ADTRP: variants seen among roughly 807,000 people sequenced by gnomAD.
The protein encoded by ADTRP is androgen dependent TFPI regulating protein, also known as androgen-dependent TFPI-regulating protein.
In ADTRP, 20 loss-of-function variants were observed where a neutral mutation model predicts 27.0. The ratio of observed to expected loss-of-function variants is 0.74; its 90% confidence interval spans 0.52 to 1.08. ADTRP has a LOEUF of 1.08. ADTRP is among the 50% of genes least tolerant of loss of function. The pLI is 0.00. For synonymous variants in ADTRP, 101 were observed against 105.2 expected, an observed-to-expected ratio of 0.96 and a Z score of 0.25; for missense variants, 251 against 275.0, an observed-to-expected ratio of 0.91 and a Z score of 0.62.
At position 11,718,923 on chromosome 6, in the gene ADTRP, T is replaced by C. The variant is rs183139960; in HGVS notation, c.659-4411A>G. On this transcript the variant is annotated intron_variant, in intron 5 of 5. Transcript: ENST00000414691. ...TCAAAGCCAGTTCCCTGCAACTGAG[T>C]GCCCTGGGAGGACCTCATCATACAC... Among the ~76,000 whole-genome samples, 4 of 152,330 alleles carry C rather than the reference T, an allele frequency of 2.6e-5. No homozygotes were observed. The East Asian group carries it at 7.7e-4, about 29-fold the overall frequency.
At chr6:11,764,988 A>G (rs1207935436) in intron 3 of ADTRP, among the ~76,000 whole-genome samples, 1 of 151,996 alleles carries the variant, frequency 6.6e-6, no homozygotes, top group African/African-American at 2.4e-5. Flanking sequence ...AGAGTTTGAC[A>G]AGAAAAAGTT....
At chr6:11,734,786 G>C (rs1762495694) in intron 4 of ADTRP, among the ~76,000 whole-genome samples, 1 of 152,198 alleles carries the variant, frequency 6.6e-6, no homozygotes, top group Non-Finnish European at 1.5e-5. Context: ...AGGGATCGGA[G>C]GGTTGTCCAG....
chr6:11,760,259 C>T (rs1763355152), intron 3 of ADTRP, among the ~76,000 whole-genome samples: 1 of 152,200 alleles, frequency 6.6e-6, no homozygotes, highest in South Asian at 2.1e-4. Context: ...TCCCCCCACA[C>T]ACTCTCAAAA....
chr6:11,741,671 G>A (rs1420030254), intron 3 of ADTRP, among the ~76,000 whole-genome samples: 2 of 151,784 alleles, frequency 1.3e-5, no homozygotes, highest in Non-Finnish European at 1.5e-5. Context: ...ATCCAGCCTG[G>A]TGAAGAAGCG....
rs78648689 is a variant in ADTRP, at chr6:11,734,691, T to C, written c.506+877A>G. ...ATAAAACAGGCACTGCTAGAGCCCATGTTCTTTGGAATGCACTCTCTCTCT... is the reference window on the plus strand; with the variant it reads ...ATAAAACAGGCACTGCTAGAGCCCACGTTCTTTGGAATGCACTCTCTCTCT... On this transcript the variant is annotated intron_variant, in intron 4 of 5. Coordinates refer to ENST00000414691, the MANE Select transcript of ADTRP (RefSeq NM_032744.4). 5.1e-3 allele frequency among the ~76,000 whole-genome samples: 773 copies of C among 150,902 alleles called. 9 individuals are homozygous for C. The highest frequency in any genetic ancestry group is 0.017 in the African/African-American group (703 of 40,970).
intron 1 of ADTRP, among the ~76,000 whole-genome samples, chr6:11,774,917 C>A (rs1338886812): frequency 6.6e-6 from 1 of 152,202 alleles, no homozygotes; most frequent in African/African-American, 2.4e-5. Flanking sequence ...TCTGAGCCAA[C>A]CTAAGCTGCT....
chr6:11,735,674 T>C lies in ADTRP; in HGVS notation c.400A>G (p.Ile134Val). The C allele has an allele frequency of 6.2e-7, 1 of 1,612,522 alleles. No homozygotes were observed. Among genetic ancestry groups the C allele is most frequent in the Non-Finnish European group, 8.5e-7 (1 of 1,178,630 alleles). ...ACTTCAGCCAATGTGATGGGGAATATGAAAGTGTGCTGCAGGAGAGAAAAT... is the reference window on the plus strand; with the variant it reads ...ACTTCAGCCAATGTGATGGGGAATACGAAAGTGTGCTGCAGGAGAGAAAAT... ...VWLNHAMHTF[I>V]FPITLAEVVL... Residue 134 changes from isoleucine (I) to valine (V), a missense_variant, in exon 4 of 6, where the codon ATA becomes GTA. Physicochemically the swap from Ile to Val is conservative, Grantham distance 29. Coordinates refer to ENST00000414691, the MANE Select transcript of ADTRP (RefSeq NM_032744.4).
chr6:11,768,212 A>G (rs757365439), intron 2 of ADTRP, 37 bp downstream of exon 2: 2 of 1,611,796 alleles, frequency 1.2e-6, no homozygotes, highest in South Asian at 2.2e-5. Context: ...CCATATGCAC[A>G]TTTCTGTTAG....
chr6:11,715,805 GCTTTTTTTTTT>G (rs66464249), intron 5 of ADTRP, among the ~76,000 whole-genome samples: 2,652 of 88,932 alleles, frequency 0.03, 52 homozygotes, highest in Middle Eastern at 0.1. Flanking sequence ...ACCATGCCCA[GCTTTTTTTTTT>G]TTTTTTTTTT....
chr6:11,755,679 G>A (rs2235399), intron 3 of ADTRP, among the ~76,000 whole-genome samples: 48,237 of 152,076 alleles, frequency 0.32, 9,188 homozygotes, highest in East Asian at 0.65. Flanking sequence ...GGTAAATGAC[G>A]GAAAAGATTC....
At position 11,766,299 on chromosome 6, in the gene ADTRP, A is replaced by C; in HGVS notation, c.365T>G (p.Ile122Ser). 1.2e-6 allele frequency: 2 copies of C among 1,612,356 alleles called. No individual in the cohort carries two copies. Among genetic ancestry groups the C allele is most frequent in the Non-Finnish European group, 1.7e-6 (2 of 1,179,086 alleles). ...LIYPKVLDTV[I>S]PVWLNHAMHT... is the part of the protein sequence containing the mutation. ...CATTGCATGATTCAGCCACACGGGG[A>C]TGACAGTATCTAGGACCTTGGGGTA... The change falls in exon 3 of 6, where the codon ATC becomes AGC. Residue 122 changes from isoleucine to serine, a missense_variant. Transcript: ENST00000414691.
At chr6:11,717,355 G>C in intron 5 of ADTRP, 1 of 1,304,238 alleles carries the variant, frequency 7.7e-7, no homozygotes, top group Non-Finnish European at 1.0e-6. Flanking sequence ...TTCCAATCGG[G>C]CCACTGGAAG....
At chr6:11,742,133 A>T (rs1423598251) in intron 3 of ADTRP, among the ~76,000 whole-genome samples, 1 of 151,988 alleles carries the variant, frequency 6.6e-6, no homozygotes, top group African/African-American at 2.4e-5. Context: ...CTAAAAAAAA[A>T]GTTTTAATGT....
intron 3 of ADTRP, among the ~76,000 whole-genome samples, chr6:11,754,759 C>T (rs893039286): frequency 2.6e-5 from 4 of 152,136 alleles, no homozygotes; most frequent in Admixed American, 1.3e-4. Flanking sequence ...AAGGCAAGGA[C>T]GGAACTCCAC....
At chr6:11,763,699 C>T (rs974508311) in intron 3 of ADTRP, among the ~76,000 whole-genome samples, 1 of 152,224 alleles carries the variant, frequency 6.6e-6, no homozygotes, top group Non-Finnish European at 1.5e-5. Context: ...CATGAGTTCA[C>T]ACTAGTATTT....
At chr6:11,715,323 T>TAAAC (rs1761775863) in intron 5 of ADTRP, among the ~76,000 whole-genome samples, 1 of 152,176 alleles carries the variant, frequency 6.6e-6, no homozygotes, top group South Asian at 2.1e-4. Flanking sequence ...TCCTTAACAG[T>TAAAC]AAACACTAGA....
chr6:11,724,875 G>A (rs906699129), intron 4 of ADTRP, among the ~76,000 whole-genome samples: 3 of 152,216 alleles, frequency 2.0e-5, no homozygotes, highest in African/African-American at 7.2e-5. Flanking sequence ...GAGTTCAAAA[G>A]CTTCCATCTC....
In ADTRP at chr6:11,765,319, G is replaced by GTTTTTTTT. The variant is rs770169717; in HGVS notation, c.390+954_390+955insAAAAAAAA. Among the ~76,000 whole-genome samples the GTTTTTTTT allele has an allele frequency of 7.1e-5, 8 of 112,550 alleles. 1 individual carries two copies. Among genetic ancestry groups the GTTTTTTTT allele is most frequent in the Non-Finnish European group, 8.8e-5 (5 of 56,540 alleles). 73.8% of individuals were successfully genotyped at this position (112,550 alleles called of 152,430 possible). A position where few individuals can be genotyped will look rare whatever the true frequency, so the allele number is the denominator to read the frequency against. On this transcript the variant is annotated intron_variant, in intron 3 of 5. Transcript: ENST00000414691. ...GCCACTTCCTTGTGCCTTTCCCCTG[G>GTTTTTTTT]TTTGTTTTTTTTTTTTTTTTTTTTT... is the stretch of plus-strand genomic sequence containing the variant.
chr6:11,773,621 C>T (rs1467958945), intron 1 of ADTRP, among the ~76,000 whole-genome samples: 1 of 152,214 alleles, frequency 6.6e-6, no homozygotes, highest in South Asian at 2.1e-4. Context: ...CTCAGCTTTG[C>T]ACCATCAGCA....
Sources: allele counts gnomAD v4.1 joint callset (sites outside exome capture counted in the v4.1 genomes callset), GRCh38; gene constraint gnomAD v4.1.1; transcripts MANE v1.5; gene names NCBI Gene and HGNC (gene_info 2026-07-23, HGNC 2026-07-21).